The following PTPN5 variants were observed in gnomAD, a reference collection of about 807,000 sequenced individuals.
The protein encoded by PTPN5 is tyrosine-protein phosphatase non-receptor type 5.
PTPN5 carries 29 observed loss-of-function variants against 73.9 expected under a neutral mutation model. The observed-to-expected ratio is 0.39, with a 90% CI of 0.29 to 0.54. The LOEUF (loss-of-function observed/expected upper bound fraction) is 0.54. Ranked by LOEUF, PTPN5 falls within the 20% of genes least tolerant of loss-of-function variation. The pLI is 0.65. For missense variants in PTPN5, 652 were observed against 751.4 expected, an observed-to-expected ratio of 0.87 and a Z score of 1.55; for synonymous variants, 267 against 304.7, an observed-to-expected ratio of 0.88 and a Z score of 1.29.
At chr11:18,788,337 C>T (rs1851762414) in intron 1 of PTPN5, among the ~76,000 whole-genome samples, 1 of 152,016 alleles carries the variant, frequency 6.6e-6, no homozygotes, top group Non-Finnish European at 1.5e-5. Context: ...TTATGTTTCT[C>T]CCCCACTCAA....
intron 1 of PTPN5, among the ~76,000 whole-genome samples, chr11:18,773,797 G>A (rs1851021980): frequency 6.6e-6 from 1 of 152,206 alleles, no homozygotes; most frequent in Non-Finnish European, 1.5e-5. Flanking sequence ...AAAAAGGTGG[G>A]TGTGTCAATC....
At chr11:18,740,929 G>A (rs1381385621) in intron 7 of PTPN5, 137 bp from the exon 8 acceptor site, 1 of 470,982 alleles carries the variant, frequency 2.1e-6, no homozygotes, top group East Asian at 3.5e-5. Context: ...GAGTGGGAGT[G>A]TGACAAGACC....
At chr11:18,746,305 C>T (rs1250629226) in intron 3 of PTPN5, among the ~76,000 whole-genome samples, 4 of 150,904 alleles carry the variant, frequency 2.7e-5, no homozygotes, top group Non-Finnish European at 5.9e-5. Flanking sequence ...AATTTTCCTG[C>T]CTCAGCCTCC....
At chr11:18,746,895 C>T (rs1399958258) in intron 3 of PTPN5, among the ~76,000 whole-genome samples, 1 of 152,194 alleles carries the variant, frequency 6.6e-6, no homozygotes, top group African/African-American at 2.4e-5. Context: ...TCTCTGCCCA[C>T]ACACAGTTGA....
At chr11:18,732,518 C>T (rs1009217248) in intron 12 of PTPN5, 74 bp downstream of exon 12, 21 of 1,088,902 alleles carry the variant, frequency 1.9e-5, no homozygotes, top group Non-Finnish European at 2.9e-5. Context: ...CTTGGGGGAC[C>T]TGTTCTCTGT....
chr11:18,745,416 GGCTCCT>G (rs1001386915), intron 3 of PTPN5, among the ~76,000 whole-genome samples: 1 of 152,166 alleles, frequency 6.6e-6, no homozygotes, highest in African/African-American at 2.4e-5. Context: ...TTGTAGCACA[GGCTCCT>G]GCTTCCCAGC....
chr11:18,764,869 C>T (rs902805322), intron 3 of PTPN5, among the ~76,000 whole-genome samples: 14 of 152,056 alleles, frequency 9.2e-5, no homozygotes, highest in Non-Finnish European at 1.6e-4. Flanking sequence ...CCCGCCACCA[C>T]GCCTGGCTAA....
rs575014135 is a variant in PTPN5 at position 18,766,894 on chromosome 11, T to C, written c.21-1011A>G. ...TCCCTTGCACACTGAAAATGCATTCTGATGCATTTTGCTGGTGCTGAATCA... is the reference window on the plus strand; with the variant it reads ...TCCCTTGCACACTGAAAATGCATTCCGATGCATTTTGCTGGTGCTGAATCA... On this transcript the variant is annotated intron_variant, in intron 2 of 14. Coordinates refer to ENST00000358540, the MANE Select transcript of PTPN5 (RefSeq NM_006906.2). Among the ~76,000 whole-genome samples the C allele has an allele frequency of 5.9e-5, 9 of 152,332 alleles. No individual in the cohort carries two copies. In the South Asian group the frequency reaches 8.3e-4, roughly 14 times the overall value.
chr11:18,786,821 T>C (rs1049352930), intron 1 of PTPN5, among the ~76,000 whole-genome samples: 11 of 152,218 alleles, frequency 7.2e-5, no homozygotes, highest in African/African-American at 2.7e-4. Flanking sequence ...AGCATTTATA[T>C]GTCTATAAAT....
Position 18,742,199 on chromosome 11 carries a change from C to A in PTPN5, c.725+63G>T, listed in dbSNP as rs1590511012. The A allele has an allele frequency of 1.3e-6, 2 of 1,599,470 alleles. No individual in the cohort carries two copies. The highest frequency in any genetic ancestry group is 4.5e-5 in the East Asian group (2 of 44,724). ...CAGGAGTCAGAGTCAGGCATCCACT[C>A]TTCTGATCAGGAGCTAAGAGCTCAA... On this transcript the variant is annotated intron_variant, in intron 7 of 14. Coordinates refer to ENST00000358540, the MANE Select transcript of PTPN5 (RefSeq NM_006906.2). The surrounding 1 kb of genome is among the most constrained non-coding windows in gnomAD (Gnocchi z 4.1).
chr11:18,742,142 C>T lies in PTPN5; in HGVS notation c.725+120G>A. On this transcript the variant is annotated intron_variant, in intron 7 of 14. Transcript: ENST00000358540. The surrounding 1 kb of genome is among the most constrained non-coding windows in gnomAD (Gnocchi z 4.1). ...CCTGGATAGCACATGTCTACACTGG[C>T]TAAGCTATAAGGCCAGCTCTGCCCT... 1 of 1,402,812 alleles carries T rather than the reference C, an allele frequency of 7.1e-7. No homozygotes were observed. The highest frequency in any genetic ancestry group is 9.8e-7 in the Non-Finnish European group (1 of 1,022,130). The allele number at this position is 1,402,812 out of a possible 1,614,324, so 86.9% of individuals were successfully genotyped here. A position where few individuals can be genotyped will look rare whatever the true frequency, so the allele number is the denominator to read the frequency against.
chr11:18,759,323 A>G (rs561338685), intron 3 of PTPN5, among the ~76,000 whole-genome samples: 1 of 152,256 alleles, frequency 6.6e-6, no homozygotes, highest in Non-Finnish European at 1.5e-5. Context: ...AGATGTCATC[A>G]TATTACTACC....
chr11:18,785,468 A>C (rs1851626385), intron 1 of PTPN5, among the ~76,000 whole-genome samples: 1 of 152,236 alleles, frequency 6.6e-6, no homozygotes, highest in African/African-American at 2.4e-5. Context: ...GATTTACAGA[A>C]AACATAGAAT....
Position 18,790,198 on chromosome 11 carries a change from T to C in PTPN5, c.-114+1327A>G, listed in dbSNP as rs1192402813. Among the ~76,000 whole-genome samples, 3 of 151,992 alleles carry C rather than the reference T, an allele frequency of 2.0e-5. No individual in the cohort carries two copies. In the East Asian group the frequency reaches 5.8e-4, roughly 29 times the overall value. Reference sequence around the variant, plus strand: ...GAGAAACCACCCGAACCTGGTGTGATTGTAACTCAAGCTTCCCCAGCAGCT... The same window carrying C: ...GAGAAACCACCCGAACCTGGTGTGACTGTAACTCAAGCTTCCCCAGCAGCT... On this transcript the variant is annotated intron_variant, in intron 1 of 14. Coordinates refer to ENST00000358540, the MANE Select transcript of PTPN5 (RefSeq NM_006906.2).
rs933471662 is a variant in PTPN5 at position 18,729,070 on chromosome 11, A to T, written c.1605-43T>A. On this transcript the variant is annotated intron_variant, in intron 14 of 14. Transcript: ENST00000358540. This position sits in a 1 kb window ranked among gnomAD's most constrained non-coding sequence, Gnocchi z 5.2. Reference sequence around the variant, plus strand: ...ACAGTGGGGGCAGGGTCGTGGAGGGATGGGCTGTGGGAGGTGCCCCAAAAG... The same window carrying T: ...ACAGTGGGGGCAGGGTCGTGGAGGGTTGGGCTGTGGGAGGTGCCCCAAAAG... 1 of 1,599,350 alleles carries T rather than the reference A, an allele frequency of 6.3e-7. No individual in the cohort carries two copies. The highest frequency in any genetic ancestry group is 8.5e-7 in the Non-Finnish European group (1 of 1,172,416).
At chr11:18,731,231 G>T (rs1008609432) in intron 12 of PTPN5, among the ~76,000 whole-genome samples, 11 of 147,364 alleles carry the variant, frequency 7.5e-5, no homozygotes, top group African/African-American at 2.7e-4. Flanking sequence ...AATAGGATAT[G>T]TATATCATAT....
At chr11:18,743,621 AG>A in intron 4 of PTPN5, 192 bp from the exon 5 acceptor site, 2 of 605,048 alleles carry the variant, frequency 3.3e-6, no homozygotes, top group South Asian at 4.0e-5. Context: ...CTTGGAGAAA[AG>A]CTGACTGAAG....
In PTPN5 at chr11:18,729,116, GC is replaced by G; in HGVS notation, c.1605-90del. The G allele has an allele frequency of 2.2e-6, 3 of 1,355,622 alleles. No individual in the cohort carries two copies. The highest frequency in any genetic ancestry group is 2.1e-6 in the Non-Finnish European group (2 of 967,732). 84.0% of individuals were successfully genotyped at this position (1,355,622 alleles called of 1,614,324 possible). On this transcript the variant is annotated intron_variant, in intron 14 of 14. Transcript: ENST00000358540. The surrounding 1 kb of genome is among the most constrained non-coding windows in gnomAD (Gnocchi z 5.2). ...AAAAGCCATGGAGTAGCAATCACTT[GC>G]CAGGCCTTGCCCCTGTGCGTCTTGG...
intron 2 of PTPN5, among the ~76,000 whole-genome samples, chr11:18,767,689 G>A (rs116742132): frequency 0.014 from 2,125 of 152,350 alleles, 35 homozygotes; most frequent in African/African-American, 0.049. Context: ...TTCTCCAGAA[G>A]AGAGGAGCTA....
Sources: gnomAD v4.1 joint callset for allele counts (sites outside exome capture counted in the v4.1 genomes callset) on GRCh38, gnomAD v4.1.1 for gene constraint, Gnocchi (gnomAD v3.1) non-coding constraint, MANE v1.5 for transcripts, NCBI Gene and HGNC (gene_info 2026-07-23, HGNC 2026-07-21) for gene names.